Variants in PPARA observed in about 807,000 individuals in gnomAD.
PPARA encodes the protein peroxisome proliferator-activated receptor alpha.
Under a neutral mutation model 42.2 loss-of-function variants are expected in PPARA, and 22 were observed. The observed-to-expected ratio is 0.52, with a 90% CI of 0.37 to 0.74. The LOEUF (loss-of-function observed/expected upper bound fraction) is 0.74. Ranked by LOEUF, PPARA falls within the 30% of genes least tolerant of loss-of-function variation. The probability of loss-of-function intolerance (pLI) is 0.00; values close to 1 mark genes in which losing one functional copy is unlikely to be tolerated. For synonymous variants in PPARA, 242 were observed against 239.3 expected (o/e 1.01, Z -0.10); for missense variants, 465 against 608.2 (o/e 0.76, Z 2.48).
chr22:46,198,132 G>C (rs955328523), intron 3 of PPARA, among the ~76,000 whole-genome samples: 1 of 149,090 alleles, frequency 6.7e-6, no homozygotes, highest in Non-Finnish European at 1.5e-5. Context: ...CAGCTACTCA[G>C]GAGACTGAGG....
intron 7 of PPARA, among the ~76,000 whole-genome samples, chr22:46,226,795 A>G (rs886313409): frequency 2.0e-5 from 3 of 152,126 alleles, no homozygotes; most frequent in Non-Finnish European, 4.4e-5. Context: ...ATGGAGGTCA[A>G]GACTGCAGTG....
Position 46,215,256 on chromosome 22 carries a change from T to C in PPARA, c.292T>C (p.Leu98=), listed in dbSNP as rs150197646. ...GSVDESPSGA[L]NIECRICGDK... Reference sequence around the variant, plus strand: ...CGTGGACGAGTCTCCCAGTGGAGCATTGAACATCGAATGTAGAATCTGCGG... The same window carrying C: ...CGTGGACGAGTCTCCCAGTGGAGCACTGAACATCGAATGTAGAATCTGCGG... Residue 98 remains leucine (L), a synonymous_variant, in exon 5 of 9, where the codon TTG becomes CTG. Coordinates refer to ENST00000407236, the MANE Select transcript of PPARA (RefSeq NM_005036.6). The C allele has an allele frequency of 1.5e-3, 2,430 of 1,614,106 alleles. 21 individuals carry two copies. In the East Asian group the frequency reaches 0.02, roughly 13 times the overall value.
chr22:46,187,598 A>G lies in PPARA; in HGVS notation c.-42-10744A>G, dbSNP rs2147305273. 6.6e-6 allele frequency among the ~76,000 whole-genome samples: 1 copy of G among 152,330 alleles called. No homozygotes were observed. Among genetic ancestry groups the G allele is most frequent in the Non-Finnish European group, 1.5e-5 (1 of 68,026 alleles). On this transcript the variant is annotated intron_variant, in intron 3 of 8. Coordinates refer to ENST00000407236, the MANE Select transcript of PPARA (RefSeq NM_005036.6). This position sits in a 1 kb window ranked among gnomAD's most constrained non-coding sequence, Gnocchi z 4.9. ...ATCTGGATTCCTTCTTGCCATCAAG[A>G]CAATCCTGATACAAATCTGATCACG...
chr22:46,205,544 A>AT (rs1933184889), intron 4 of PPARA, among the ~76,000 whole-genome samples: 1 of 30,288 alleles, frequency 3.3e-5, no homozygotes, highest in African/African-American at 1.7e-4. Flanking sequence ...ATATATATAT[A>AT]TATATATATA....
At position 46,243,058 on chromosome 22, in the gene PPARA, G is replaced by A. The variant is rs1442540495; in HGVS notation, c.*7678G>A. On this transcript the variant is annotated 3_prime_UTR_variant, in exon 9 of 9. Transcript: ENST00000407236. This position sits in a 1 kb window ranked among gnomAD's most constrained non-coding sequence, Gnocchi z 5.0. ...CTGATGGAAATTCTTTGCACGTGCC[G>A]GTTCTCTGGCATCCTCCAGGTGGCC... is the stretch of plus-strand genomic sequence containing the variant. The A allele has an allele frequency of 1.3e-5, 2 of 152,658 alleles. No individual in the cohort carries two copies. Among genetic ancestry groups the A allele is most frequent in the African/African-American group, 4.8e-5 (2 of 41,522 alleles). 9.5% of individuals were successfully genotyped at this position (152,658 alleles called of 1,614,324 possible).
At position 46,191,998 on chromosome 22, in the gene PPARA, G is replaced by T. The variant is rs1371938770; in HGVS notation, c.-42-6344G>T. On this transcript the variant is annotated intron_variant, in intron 3 of 8. Coordinates refer to ENST00000407236, the MANE Select transcript of PPARA (RefSeq NM_005036.6). The surrounding 1 kb of genome is among the most constrained non-coding windows in gnomAD (Gnocchi z 4.6). Reference sequence around the variant, plus strand: ...GAGAATCACTTGAACCCGTGAAACGGAAGTTGCGGTGAGCCGAGATCACGC... The same window carrying T: ...GAGAATCACTTGAACCCGTGAAACGTAAGTTGCGGTGAGCCGAGATCACGC... Among the ~76,000 whole-genome samples the T allele has an allele frequency of 6.6e-6, 1 of 152,236 alleles. No individual in the cohort carries two copies. The highest frequency in any genetic ancestry group is 1.5e-5 in the Non-Finnish European group (1 of 68,044).
At position 46,186,476 on chromosome 22, in the gene PPARA, G is replaced by A. The variant is rs115924380; in HGVS notation, c.-43+9640G>A. Among the ~76,000 whole-genome samples the A allele has an allele frequency of 3.0e-4, 45 of 152,260 alleles. No homozygotes were observed. In the East Asian group the frequency reaches 6.8e-3, roughly 23 times the overall value. On this transcript the variant is annotated intron_variant, in intron 3 of 8. Transcript: ENST00000407236. ...AGGATGAAGGCGTGGGCTGGGGGCC[G>A]AGGGAGCAAGGATTCCCAGTAACGA...
chr22:46,196,178 C>T lies in PPARA; in HGVS notation c.-42-2164C>T, dbSNP rs770108418. 2.6e-5 allele frequency among the ~76,000 whole-genome samples: 4 copies of T among 152,162 alleles called. No homozygotes were observed. Among genetic ancestry groups the T allele is most frequent in the Non-Finnish European group, 4.4e-5 (3 of 68,038 alleles). On this transcript the variant is annotated intron_variant, in intron 3 of 8. Coordinates refer to ENST00000407236, the MANE Select transcript of PPARA (RefSeq NM_005036.6). This position sits in a 1 kb window ranked among gnomAD's most constrained non-coding sequence, Gnocchi z 5.6. ...CAGGAAGTGGTTTAGGATGTTTCAG[C>T]GAGAGCATGATACAGACTAACCCAG...
Position 46,235,702 on chromosome 22 carries a change from T to A in PPARA, c.*322T>A, listed in dbSNP as rs1213407888. On this transcript the variant is annotated 3_prime_UTR_variant, in exon 9 of 9. Coordinates refer to ENST00000407236, the MANE Select transcript of PPARA (RefSeq NM_005036.6). This position sits in a 1 kb window ranked among gnomAD's most constrained non-coding sequence, Gnocchi z 7.0. ...TTTAGATCACATTCGTGATTTACCA[T>A]TTAATTAACTGGTAACCTCAAAATT... The A allele has an allele frequency of 5.5e-6, 2 of 365,774 alleles. No individual in the cohort carries two copies. Among genetic ancestry groups the A allele is most frequent in the South Asian group, 5.2e-5 (2 of 38,446 alleles). The allele number at this position is 365,774 out of a possible 1,614,324, so 22.7% of individuals were successfully genotyped here.
rs138728932 is a variant in PPARA at position 46,193,626 on chromosome 22, A to C, written c.-42-4716A>C. Among the ~76,000 whole-genome samples the C allele has an allele frequency of 1.5e-4, 23 of 152,306 alleles. No individual in the cohort carries two copies. In the East Asian group the frequency reaches 4.4e-3, roughly 29 times the overall value. ...AAAATAAAAAAATAAATTGTAAGGG[A>C]AAGAAAATTATGAATTTAGAAATGT... On this transcript the variant is annotated intron_variant, in intron 3 of 8. Coordinates refer to ENST00000407236, the MANE Select transcript of PPARA (RefSeq NM_005036.6). The surrounding 1 kb of genome is among the most constrained non-coding windows in gnomAD (Gnocchi z 5.3).
intron 5 of PPARA, among the ~76,000 whole-genome samples, chr22:46,217,119 T>C (rs1934563505): frequency 6.6e-6 from 1 of 152,002 alleles, no homozygotes; most frequent in Admixed American, 6.6e-5. Context: ...TAGAAGCCTG[T>C]CTCCCCACCC....
Position 46,219,852 on chromosome 22 carries a change from A to G in PPARA, c.549A>G (p.Lys183=). 6.2e-7 allele frequency: 1 copy of G among 1,614,190 alleles called. No individual in the cohort carries two copies. Among genetic ancestry groups the G allele is most frequent in the Non-Finnish European group, 8.5e-7 (1 of 1,180,040 alleles). The change falls in exon 7 of 9, where the codon AAA becomes AAG. Residue 183 remains lysine (K), a synonymous_variant. Coordinates refer to ENST00000407236, the MANE Select transcript of PPARA (RefSeq NM_005036.6). This position sits in a 1 kb window ranked among gnomAD's most constrained non-coding sequence, Gnocchi z 4.8. ...GAATGCCAAGATCTGAGAAAGCAAAACTGAAAGCAGAAATTCTTACCTGTG... is the reference window on the plus strand; with the variant it reads ...GAATGCCAAGATCTGAGAAAGCAAAGCTGAAAGCAGAAATTCTTACCTGTG... ...FGRMPRSEKA[K]LKAEILTCEH...
chr22:46,213,745 C>T (rs1350874275), intron 4 of PPARA, among the ~76,000 whole-genome samples: 5 of 152,130 alleles, frequency 3.3e-5, no homozygotes, highest in African/African-American at 4.8e-5. Flanking sequence ...GCCCCCACCA[C>T]GCCCGGCTAA....
chr22:46,175,452 G>A (rs796262319), intron 2 of PPARA, among the ~76,000 whole-genome samples: 12 of 151,650 alleles, frequency 7.9e-5, no homozygotes, highest in African/African-American at 2.9e-4. Context: ...GGTGGCTCAC[G>A]CCTGTAATCC....
rs1190907059 is a variant in PPARA at position 46,243,319 on chromosome 22, ACT to A, written c.*7943_*7944del. 1.3e-5 allele frequency: 2 copies of A among 152,008 alleles called. No homozygotes were observed. The highest frequency in any genetic ancestry group is 2.9e-5 in the Non-Finnish European group (2 of 68,012). The allele number at this position is 152,008 out of a possible 1,614,324, so 9.4% of individuals were successfully genotyped here. A position where few individuals can be genotyped will look rare whatever the true frequency, so the allele number is the denominator to read the frequency against. ...TGTGCTCTACTAGTGAGTGCCTTAT[ACT>A]CTCAGTATTTTGGGGCTTACAGCTT... On this transcript the variant is annotated 3_prime_UTR_variant, in exon 9 of 9. Coordinates refer to ENST00000407236, the MANE Select transcript of PPARA (RefSeq NM_005036.6). The surrounding 1 kb of genome is among the most constrained non-coding windows in gnomAD (Gnocchi z 5.0).
At chr22:46,213,374 G>A (rs970325645) in intron 4 of PPARA, among the ~76,000 whole-genome samples, 1 of 150,924 alleles carries the variant, frequency 6.6e-6, no homozygotes, top group Non-Finnish European at 1.5e-5. Flanking sequence ...TGACTGTTCA[G>A]ATGTTCAGAT....
chr22:46,153,095 T>C (rs914219254), intron 2 of PPARA, among the ~76,000 whole-genome samples: 1 of 147,842 alleles, frequency 6.8e-6, no homozygotes, highest in Non-Finnish European at 1.5e-5. Flanking sequence ...CAAAAATAAA[T>C]AAATAAAATA....
In PPARA at chr22:46,232,094, T is replaced by C; in HGVS notation, c.1014T>C (p.Phe338=). The C allele has an allele frequency of 1.2e-6, 2 of 1,614,244 alleles. No individual in the cohort carries two copies. The highest frequency in any genetic ancestry group is 1.7e-6 in the Non-Finnish European group (2 of 1,180,048). ...DGMLVAYGNG[F]ITREFLKSLR... Reference sequence around the variant, plus strand: ...TGCTGGTAGCGTATGGAAATGGGTTTATAACTCGTGAATTCCTAAAAAGCC... The same window carrying C: ...TGCTGGTAGCGTATGGAAATGGGTTCATAACTCGTGAATTCCTAAAAAGCC... Residue 338 remains phenylalanine, a synonymous_variant, in exon 8 of 9, where the codon TTT becomes TTC. Coordinates refer to ENST00000407236, the MANE Select transcript of PPARA (RefSeq NM_005036.6). This position sits in a 1 kb window ranked among gnomAD's most constrained non-coding sequence, Gnocchi z 5.3.
chr22:46,178,672 G>A (rs1449433312), intron 3 of PPARA, among the ~76,000 whole-genome samples: 1 of 152,184 alleles, frequency 6.6e-6, no homozygotes, highest in African/African-American at 2.4e-5. Flanking sequence ...TTGAGGCCAG[G>A]AAAAGAACCA....
Sources: allele counts gnomAD v4.1 joint callset (sites outside exome capture counted in the v4.1 genomes callset), GRCh38; gene constraint gnomAD v4.1.1; non-coding constraint Gnocchi (gnomAD v3.1); transcripts MANE v1.5; gene names NCBI Gene and HGNC (gene_info 2026-07-23, HGNC 2026-07-21).